The following IMMP2L variants were observed in gnomAD, a reference collection of about 807,000 sequenced individuals.
IMMP2L encodes the protein inner mitochondrial membrane peptidase subunit 2, also known as mitochondrial inner membrane protease subunit 2.
IMMP2L carries 18 observed loss-of-function variants against 19.3 expected under a neutral mutation model. The ratio of observed to expected loss-of-function variants is 0.93; its 90% CI spans 0.64 to 1.38. The LOEUF is 1.38. IMMP2L is among the 40% of genes most tolerant of loss of function. The pLI is 0.00. For synonymous variants in IMMP2L, 76 were observed against 73.0 expected (o/e 1.04, Z -0.21); for missense variants, 233 against 218.2 (o/e 1.07, Z -0.43).
intron 5 of IMMP2L, among the ~76,000 whole-genome samples, chr7:110,754,115 A>C (rs749529711): frequency 6.6e-6 from 1 of 151,970 alleles, no homozygotes; most frequent in Non-Finnish European, 1.5e-5. Flanking sequence ...CAAATAATCT[A>C]TCTATTTTGG....
At chr7:111,442,839 T>A (rs995861981) in intron 3 of IMMP2L, among the ~76,000 whole-genome samples, 1 of 151,916 alleles carries the variant, frequency 6.6e-6, no homozygotes, top group African/African-American at 2.4e-5. Context: ...ATATAGTTAA[T>A]TGCCACTTCA....
intron 3 of IMMP2L, among the ~76,000 whole-genome samples, chr7:111,104,336 T>C (rs577668591): frequency 8.6e-5 from 13 of 151,880 alleles, no homozygotes; most frequent in Middle Eastern, 6.8e-3. Context: ...CAGTTCAAAT[T>C]TATTGTAGAG....
intron 3 of IMMP2L, among the ~76,000 whole-genome samples, chr7:111,307,263 A>G (rs1392408978): frequency 6.6e-6 from 1 of 151,736 alleles, no homozygotes; most frequent in Non-Finnish European, 1.5e-5. Flanking sequence ...AAGAAACTAA[A>G]GAGTGATTAA....
rs2129550922 is a variant in IMMP2L, at chr7:110,924,889, A to T, written c.306-38194T>A. On this transcript the variant is annotated intron_variant, in intron 4 of 5. Transcript: ENST00000405709. This position sits in a 1 kb window ranked among gnomAD's most constrained non-coding sequence, Gnocchi z 4.2. ...CCTTAGAGCCTTATATTTCAAGAAA[A>T]TGGTATATTCAAAAAAGGTTATTTT... Among the ~76,000 whole-genome samples the T allele has an allele frequency of 6.6e-6, 1 of 152,290 alleles. No individual in the cohort carries two copies. The highest frequency in any genetic ancestry group is 1.9e-4 in the East Asian group (1 of 5,176).
At chr7:110,976,532 A>T (rs2129557353) in intron 3 of IMMP2L, among the ~76,000 whole-genome samples, 1 of 152,210 alleles carries the variant, frequency 6.6e-6, no homozygotes, top group South Asian at 2.1e-4. Flanking sequence ...TAAAAATGGC[A>T]ACTGAGATTT....
intron 3 of IMMP2L, among the ~76,000 whole-genome samples, chr7:111,013,379 A>G (rs1490586900): frequency 1.3e-5 from 2 of 152,176 alleles, no homozygotes; most frequent in African/African-American, 2.4e-5. Flanking sequence ...AAGGCAGAAC[A>G]TGAAGTCTTG....
chr7:111,465,398 A>G (rs1300866746), intron 3 of IMMP2L, among the ~76,000 whole-genome samples: 1 of 151,666 alleles, frequency 6.6e-6, no homozygotes, highest in African/African-American at 2.4e-5. Context: ...TCAGCCAAAG[A>G]AATGGTCCTT....
intron 3 of IMMP2L, chr7:111,122,309 T>C (rs1800745823): frequency 6.5e-6 from 1 of 152,786 alleles, no homozygotes; most frequent in Non-Finnish European, 1.5e-5. Context: ...ATATAATTTA[T>C]ACATGAAATA....
chr7:110,698,732 A>G (rs1794055315), intron 5 of IMMP2L, among the ~76,000 whole-genome samples: 1 of 152,214 alleles, frequency 6.6e-6, no homozygotes, highest in Admixed American at 6.5e-5. Flanking sequence ...AGTTAAATTT[A>G]GCCCCAACCA....
chr7:110,917,409 A>G (rs71572830), intron 4 of IMMP2L, among the ~76,000 whole-genome samples: 237 of 152,276 alleles, frequency 1.6e-3, no homozygotes, highest in Non-Finnish European at 1.8e-3. Context: ...TGATAACAAT[A>G]ATCACACCCA....
intron 3 of IMMP2L, among the ~76,000 whole-genome samples, chr7:111,108,567 T>A (rs529838016): frequency 6.6e-6 from 1 of 152,288 alleles, no homozygotes; most frequent in East Asian, 1.9e-4. Flanking sequence ...ACAACAGATT[T>A]ATTCGAGATA....
intron 3 of IMMP2L, among the ~76,000 whole-genome samples, chr7:111,415,606 T>C (rs937238977): frequency 2.6e-5 from 4 of 151,876 alleles, no homozygotes; most frequent in Non-Finnish European, 4.4e-5. Context: ...GTGAATTTCA[T>C]AGTCATAAAA....
intron 5 of IMMP2L, among the ~76,000 whole-genome samples, chr7:110,830,620 A>T (rs1369470313): frequency 6.6e-6 from 1 of 152,184 alleles, no homozygotes; most frequent in African/African-American, 2.4e-5. Context: ...AAATGCACTC[A>T]GTGATGTGAG....
chr7:110,878,005 A>G (rs78528301), intron 5 of IMMP2L, among the ~76,000 whole-genome samples: 2,185 of 152,282 alleles, frequency 0.014, 56 homozygotes, highest in African/African-American at 0.049. Flanking sequence ...CTAAGCACTT[A>G]GCTTAGAAGT....
chr7:111,389,286 T>C (rs111402364), intron 3 of IMMP2L, among the ~76,000 whole-genome samples: 1 of 152,060 alleles, frequency 6.6e-6, no homozygotes, highest in Admixed American at 6.6e-5. Context: ...GATTCCAGAT[T>C]GAAGGAGAGC....
intron 3 of IMMP2L, among the ~76,000 whole-genome samples, chr7:111,105,799 G>A (rs1005146360): frequency 3.3e-5 from 5 of 151,946 alleles, no homozygotes; most frequent in East Asian, 1.9e-4. Flanking sequence ...AATAGATAGA[G>A]ATGCCTATAT....
At chr7:111,045,369 C>T (rs1157263841) in intron 3 of IMMP2L, among the ~76,000 whole-genome samples, 1 of 152,202 alleles carries the variant, frequency 6.6e-6, no homozygotes, top group African/African-American at 2.4e-5. Flanking sequence ...CCTTTCTCAT[C>T]TGGATTCTTC....
intron 4 of IMMP2L, among the ~76,000 whole-genome samples, chr7:110,932,512 C>T (rs1483677682): frequency 1.3e-5 from 2 of 152,082 alleles, no homozygotes; most frequent in Non-Finnish European, 2.9e-5. Flanking sequence ...CACTACCATG[C>T]CAGGTGATTT....
intron 4 of IMMP2L, among the ~76,000 whole-genome samples, chr7:110,899,253 T>A (rs563793698): frequency 2.6e-5 from 4 of 152,266 alleles, no homozygotes; most frequent in Admixed American, 2.0e-4. Flanking sequence ...TAGAATGTGG[T>A]TAAATTTGAA....
Sources: gnomAD v4.1 joint callset for allele counts (sites outside exome capture counted in the v4.1 genomes callset) on GRCh38, gnomAD v4.1.1 for gene constraint, Gnocchi (gnomAD v3.1) non-coding constraint, MANE v1.5 for transcripts, NCBI Gene and HGNC (gene_info 2026-07-23, HGNC 2026-07-21) for gene names.